OR52N5: variants seen among roughly 807,000 people sequenced by gnomAD.
OR52N5 encodes olfactory receptor 52N5.
In OR52N5, 10 loss-of-function variants were observed where a neutral mutation model predicts 14.1. That is an observed-to-expected ratio of 0.71 (90% CI 0.44 to 1.20). The LOEUF is 1.20. OR52N5 is among the 50% of genes most tolerant of loss of function. The probability of loss-of-function intolerance (pLI) is 0.00; values close to 1 mark genes in which losing one functional copy is unlikely to be tolerated. For missense variants in OR52N5, 361 were observed against 403.2 expected, an observed-to-expected ratio of 0.90 and a Z score of 0.90; for synonymous variants, 116 against 143.0, an observed-to-expected ratio of 0.81 and a Z score of 1.35.
rs1245216865 is a variant in OR52N5 at position 5,777,711 on chromosome 11, C to T, written c.924G>A (p.Gln308=). Residue 308 remains glutamine, a synonymous_variant, in exon 3 of 3, where the codon CAG becomes CAA. Transcript: ENST00000641181. ...AGAACTTTATGACACTCTTGCGTAT[C>T]TGTTTTGTCTTTACTCCATAAACAA... The part of the protein sequence containing the change: ...NPIVYGVKTK[Q]IRKSVIKFFQ... The T allele has an allele frequency of 1.3e-6, 2 of 1,508,404 alleles. No homozygotes were observed. Among genetic ancestry groups the T allele is most frequent in the East Asian group, 4.7e-5 (2 of 42,856 alleles). The allele number at this position is 1,508,404 out of a possible 1,614,324, so 93.4% of individuals were successfully genotyped here.
rs1315978241 is a variant in OR52N5, at chr11:5,776,907, AT to A, written c.*752del. On this transcript the variant is annotated 3_prime_UTR_variant, in exon 3 of 3. Transcript: ENST00000641181. ...TTTTTGGATATATATTGTTGTTCTC[AT>A]TTATATGTGGGAGCTAAAAAGGTGG... 3 of 139,358 alleles carry A rather than the reference AT, an allele frequency of 2.2e-5. No individual in the cohort carries two copies. Among genetic ancestry groups the A allele is most frequent in the African/African-American group, 7.9e-5 (3 of 37,994 alleles). The allele number at this position is 139,358 out of a possible 1,614,324, so 8.6% of individuals were successfully genotyped here.
Position 5,777,517 on chromosome 11 carries a change from T to C in OR52N5, c.*143A>G. The C allele has an allele frequency of 1.6e-6, 1 of 628,728 alleles. No individual in the cohort carries two copies. The highest frequency in any genetic ancestry group is 2.4e-6 in the Non-Finnish European group (1 of 418,744). The allele number at this position is 628,728 out of a possible 1,614,324, so 38.9% of individuals were successfully genotyped here. On this transcript the variant is annotated 3_prime_UTR_variant, in exon 3 of 3. Transcript: ENST00000641181. ...TATACATCCAGAATGGGCTATAAAT[T>C]TCCCCAAAACAGTTTCAGAAAACAT...
rs1236190741 is a variant in OR52N5, at chr11:5,776,364, A to G, written c.*1296T>C. On this transcript the variant is annotated 3_prime_UTR_variant, in exon 3 of 3. Coordinates refer to ENST00000641181, the MANE Select transcript of OR52N5 (RefSeq NM_001385662.1). Reference sequence around the variant, plus strand: ...GACATTTAACTGGGAAAGCCATACCATATACCAACTAGCTCCTGCACTGAC... The same window carrying G: ...GACATTTAACTGGGAAAGCCATACCGTATACCAACTAGCTCCTGCACTGAC... 2.1e-5 allele frequency: 3 copies of G among 140,540 alleles called. No individual in the cohort carries two copies. Among genetic ancestry groups the G allele is most frequent in the Non-Finnish European group, 4.7e-5 (3 of 63,416 alleles). The allele number at this position is 140,540 out of a possible 1,614,324, so 8.7% of individuals were successfully genotyped here.
chr11:5,781,428 C>T lies in OR52N5; in HGVS notation c.-24+105G>A, dbSNP rs1291892362. 12 of 140,088 alleles carry T rather than the reference C, an allele frequency of 8.6e-5. 1 individual carries two copies. The highest frequency in any genetic ancestry group is 3.1e-4 in the African/African-American group (12 of 38,144). The allele number at this position is 140,088 out of a possible 1,614,324, so 8.7% of individuals were successfully genotyped here. A position where few individuals can be genotyped will look rare whatever the true frequency, so the allele number is the denominator to read the frequency against. On this transcript the variant is annotated intron_variant, in intron 2 of 2. Coordinates refer to ENST00000641181, the MANE Select transcript of OR52N5 (RefSeq NM_001385662.1). ...TGGTTACAAATACTATGCGGACTCA[C>T]CCTGAGCCTACCCGACTTCTTTATT...
At position 5,776,901 on chromosome 11, in the gene OR52N5, G is replaced by C. The variant is rs1397265917; in HGVS notation, c.*759C>G. ...TTTCTTTTTTTGGATATATATTGTT[G>C]TTCTCATTTATATGTGGGAGCTAAA... On this transcript the variant is annotated 3_prime_UTR_variant, in exon 3 of 3. Transcript: ENST00000641181. 2 of 139,336 alleles carry C rather than the reference G, an allele frequency of 1.4e-5. 1 individual carries two copies. The highest frequency in any genetic ancestry group is 5.3e-5 in the African/African-American group (2 of 37,990). 8.6% of individuals were successfully genotyped at this position (139,336 alleles called of 1,614,324 possible). A position where few individuals can be genotyped will look rare whatever the true frequency, so the allele number is the denominator to read the frequency against.
chr11:5,780,428 T>C (rs1046146720), intron 2 of OR52N5, among the ~76,000 whole-genome samples: 2 of 139,078 alleles, frequency 1.4e-5, no homozygotes, highest in Non-Finnish European at 3.2e-5. Context: ...ATAGCTGAAG[T>C]AAATTAGAGA....
intron 2 of OR52N5, among the ~76,000 whole-genome samples, chr11:5,780,778 C>A (rs1590353192): frequency 1.4e-5 from 2 of 139,422 alleles, no homozygotes; most frequent in African/African-American, 5.2e-5. Flanking sequence ...AGCAAAGGTG[C>A]CAAGAACACA....
Position 5,777,882 on chromosome 11 carries a change from A to G in OR52N5, c.753T>C (p.Thr251=), listed in dbSNP as rs1472169433. The G allele has an allele frequency of 6.6e-7, 1 of 1,520,614 alleles. No individual in the cohort carries two copies. Among genetic ancestry groups the G allele is most frequent in the East Asian group, 2.3e-5 (1 of 42,866 alleles). 94.2% of individuals were successfully genotyped at this position (1,520,614 alleles called of 1,614,324 possible). A position where few individuals can be genotyped will look rare whatever the true frequency, so the allele number is the denominator to read the frequency against. ...TGATGATGATGGCAGATATATGGGC[A>G]GTGCAGGTGCTGAAAGCCTTCTGCC... ...DARQKAFSTC[T]AHISAIIITY... Residue 251 remains threonine, a synonymous_variant, in exon 3 of 3, where the codon ACT becomes ACC. Coordinates refer to ENST00000641181, the MANE Select transcript of OR52N5 (RefSeq NM_001385662.1).
chr11:5,778,659 TGAAGA>T lies in OR52N5; in HGVS notation c.-23-7_-23-3del. ...TTCTATTTTTCCAGAAGTTTCATCC[TGAAGA>T]GAAGGAATTATGAAACAAATTTCAT... On this transcript the variant is annotated splice_region_variant and splice_polypyrimidine_tract_variant and intron_variant, in intron 2 of 2. Transcript: ENST00000641181. 7.4e-7 allele frequency: 1 copy of T among 1,344,474 alleles called. No homozygotes were observed. Among genetic ancestry groups the T allele is most frequent in the Non-Finnish European group, 1.0e-6 (1 of 996,684 alleles). The allele number at this position is 1,344,474 out of a possible 1,614,324, so 83.3% of individuals were successfully genotyped here.
rs1237591073 is a variant in OR52N5, at chr11:5,778,759, T to C, written c.-23-102A>G. The C allele has an allele frequency of 3.2e-5, 19 of 600,320 alleles. 2 individuals carry two copies. The highest frequency in any genetic ancestry group is 3.4e-5 in the Admixed American group (1 of 29,458). 37.2% of individuals were successfully genotyped at this position (600,320 alleles called of 1,614,324 possible). A position where few individuals can be genotyped will look rare whatever the true frequency, so the allele number is the denominator to read the frequency against. ...AAGTTTATAATGGCACCAACAATTA[T>C]ACATAAGTGACTATGAAAATATACA... is the stretch of plus-strand genomic sequence containing the variant. On this transcript the variant is annotated intron_variant, in intron 2 of 2. Coordinates refer to ENST00000641181, the MANE Select transcript of OR52N5 (RefSeq NM_001385662.1).
At chr11:5,782,393 TTTGA>T (rs1854556204) in intron 1 of OR52N5, among the ~76,000 whole-genome samples, 1 of 139,914 alleles carries the variant, frequency 7.1e-6, no homozygotes, top group East Asian at 2.1e-4. Context: ...AGTAGTACTA[TTTGA>T]TTGTCTATAT....
rs1170490492 is a variant in OR52N5 at position 5,776,227 on chromosome 11, G to T, written c.*1433C>A. The T allele has an allele frequency of 7.1e-6, 1 of 140,078 alleles. No homozygotes were observed. Among genetic ancestry groups the T allele is most frequent in the East Asian group, 2.1e-4 (1 of 4,848 alleles). 8.7% of individuals were successfully genotyped at this position (140,078 alleles called of 1,614,324 possible). A position where few individuals can be genotyped will look rare whatever the true frequency, so the allele number is the denominator to read the frequency against. On this transcript the variant is annotated 3_prime_UTR_variant, in exon 3 of 3. Coordinates refer to ENST00000641181, the MANE Select transcript of OR52N5 (RefSeq NM_001385662.1). ...ATGATAAGTTCTATTTTAAGATTTA[G>T]CTGAGTTGATAAAAATATTCAGAAA...
Position 5,778,198 on chromosome 11 carries a change from G to A in OR52N5, c.437C>T (p.Thr146Ile), listed in dbSNP as rs760952843. ...CYPLRYATTLTNPIIAKAELA... is the reference protein window; with the variant it reads ...CYPLRYATTLINPIIAKAELA... ...CTCAGCCTTGGCAATGATAGGGTTG[G>A]TGAGTGTGGTAGCATAACGCAAAGG... The change falls in exon 3 of 3, where the codon ACC becomes ATC. Residue 146 changes from threonine (T) to isoleucine (I), a missense_variant. Physicochemically the swap from Thr to Ile is moderately conservative, Grantham distance 89. Transcript: ENST00000641181. 13 of 1,520,346 alleles carry A rather than the reference G, an allele frequency of 8.6e-6. 1 individual carries two copies. Among genetic ancestry groups the A allele is most frequent in the African/African-American group, 1.4e-5 (1 of 70,142 alleles). The allele number at this position is 1,520,346 out of a possible 1,614,324, so 94.2% of individuals were successfully genotyped here. A position where few individuals can be genotyped will look rare whatever the true frequency, so the allele number is the denominator to read the frequency against.
At position 5,782,797 on chromosome 11, in the gene OR52N5, G is replaced by C. The variant is rs1009787074; in HGVS notation, c.-248+498C>G. ...CTATTTTATCCCATGAAAAAGGACA[G>C]TACCCAGCTTAAAAAAAGAATACTC... is the stretch of plus-strand genomic sequence containing the variant. On this transcript the variant is annotated intron_variant, in intron 1 of 2. Coordinates refer to ENST00000641181, the MANE Select transcript of OR52N5 (RefSeq NM_001385662.1). 1.4e-5 allele frequency among the ~76,000 whole-genome samples: 2 copies of C among 138,836 alleles called. 1 individual carries two copies. The highest frequency in any genetic ancestry group is 1.5e-4 in the Admixed American group (2 of 13,412). The allele number at this position is 138,836 out of a possible 152,430, so 91.1% of individuals were successfully genotyped here. A position where few individuals can be genotyped will look rare whatever the true frequency, so the allele number is the denominator to read the frequency against.
Position 5,776,271 on chromosome 11 carries a change from T to C in OR52N5, c.*1389A>G, listed in dbSNP as rs1854492967. The C allele has an allele frequency of 7.1e-6, 1 of 140,168 alleles. No homozygotes were observed. The allele number at this position is 140,168 out of a possible 1,614,324, so 8.7% of individuals were successfully genotyped here. A position where few individuals can be genotyped will look rare whatever the true frequency, so the allele number is the denominator to read the frequency against. The stretch of plus-strand genomic sequence containing the variant: ...TCAGAAATATGGGAAATGAAATAAC[T>C]AACAAATGAAGCATGAATGAATGAA... On this transcript the variant is annotated 3_prime_UTR_variant, in exon 3 of 3. Coordinates refer to ENST00000641181, the MANE Select transcript of OR52N5 (RefSeq NM_001385662.1).
Position 5,780,205 on chromosome 11 carries a change from GTCTTA to G in OR52N5, c.-24+1323_-24+1327del, listed in dbSNP as rs922133038. Among the ~76,000 whole-genome samples the G allele has an allele frequency of 3.6e-5, 5 of 139,606 alleles. 1 individual carries two copies. The highest frequency in any genetic ancestry group is 2.1e-4 in the East Asian group (1 of 4,876). 91.6% of individuals were successfully genotyped at this position (139,606 alleles called of 152,430 possible). On this transcript the variant is annotated intron_variant, in intron 2 of 2. Transcript: ENST00000641181. The stretch of plus-strand genomic sequence containing the variant: ...TGACATTTAATAAAAGGAAATTTAG[GTCTTA>G]TCTTTTCTTTCCTGTTTTATTTCTT...
Position 5,781,565 on chromosome 11 carries a change from T to C in OR52N5, c.-56A>G, listed in dbSNP as rs1232583334. Reference sequence around the variant, plus strand: ...AGATATGCTGCAGCTTACGACCTTGTGTCAATCACAATTGCTTGTCCATCC... The same window carrying C: ...AGATATGCTGCAGCTTACGACCTTGCGTCAATCACAATTGCTTGTCCATCC... On this transcript the variant is annotated 5_prime_UTR_variant, in exon 2 of 3. Coordinates refer to ENST00000641181, the MANE Select transcript of OR52N5 (RefSeq NM_001385662.1). 1 of 140,550 alleles carries C rather than the reference T, an allele frequency of 7.1e-6. No homozygotes were observed. Among genetic ancestry groups the C allele is most frequent in the Non-Finnish European group, 1.6e-5 (1 of 63,526 alleles). The allele number at this position is 140,550 out of a possible 1,614,324, so 8.7% of individuals were successfully genotyped here.
chr11:5,779,536 CT>C (rs1004875153), intron 2 of OR52N5, among the ~76,000 whole-genome samples: 1 of 139,438 alleles, frequency 7.2e-6, no homozygotes, highest in African/African-American at 2.6e-5. Flanking sequence ...TAGACTCTCA[CT>C]TTATTCTCTT....
chr11:5,778,096 C>T lies in OR52N5; in HGVS notation c.539G>A (p.Ser180Asn). Residue 180 changes from serine to asparagine, a missense_variant, in exon 3 of 3, where the codon AGC becomes AAC. Ser to Asn is a conservative substitution (Grantham distance 46). Coordinates refer to ENST00000641181, the MANE Select transcript of OR52N5 (RefSeq NM_001385662.1). ...FLVKRLPFCQ[S>N]NIISHTYCDH... is the part of the protein sequence containing the mutation. ...GCAGTACGTATGGGAGATAATATTG[C>T]TTTGGCAGAAAGGCAAACGCTTAAC... is the stretch of plus-strand genomic sequence containing the variant. 1.3e-6 allele frequency: 2 copies of T among 1,520,274 alleles called. 1 individual carries two copies. Among genetic ancestry groups the T allele is most frequent in the Non-Finnish European group, 1.8e-6 (2 of 1,113,444 alleles). The allele number at this position is 1,520,274 out of a possible 1,614,324, so 94.2% of individuals were successfully genotyped here.
Sources: allele counts gnomAD v4.1 joint callset (sites outside exome capture counted in the v4.1 genomes callset), GRCh38; gene constraint gnomAD v4.1.1; transcripts MANE v1.5; gene names NCBI Gene and HGNC (gene_info 2026-07-23, HGNC 2026-07-21).